The following STK32B variants were observed in gnomAD, a reference collection of about 807,000 sequenced individuals.
The protein encoded by STK32B is serine/threonine kinase 32B.
In STK32B, 43 loss-of-function variants were observed where a neutral mutation model predicts 52.6. The observed-to-expected ratio is 0.82, with a 90% CI of 0.64 to 1.05. The LOEUF (loss-of-function observed/expected upper bound fraction) is 1.05. Among genes scored for constraint, STK32B ranks in the 50% least tolerant of loss-of-function variants. The pLI is 0.00. For synonymous variants in STK32B, 238 were observed against 204.3 expected (o/e 1.17, Z -1.41); for missense variants, 621 against 534.6 (o/e 1.16, Z -1.59).
chr4:5,413,335 T>C (rs1447142309), intron 5 of STK32B, among the ~76,000 whole-genome samples: 2 of 152,202 alleles, frequency 1.3e-5, no homozygotes, highest in Non-Finnish European at 2.9e-5. Flanking sequence ...AGGGTATTTT[T>C]TAGCTGAAGT....
At position 5,446,761 on chromosome 4, in the gene STK32B, G is replaced by A. The variant is rs1715479830; in HGVS notation, c.651G>A (p.Glu217=). The A allele has an allele frequency of 1.9e-6, 3 of 1,614,056 alleles. No individual in the cohort carries two copies. The highest frequency in any genetic ancestry group is 2.5e-6 in the Non-Finnish European group (3 of 1,179,982). The change falls in exon 7 of 12, where the codon GAG becomes GAA. Residue 217 remains glutamate (E), a synonymous_variant. Coordinates refer to ENST00000282908, the MANE Select transcript of STK32B (RefSeq NM_018401.3). ...GGTCCCTGGGCATCACAGCCTATGA[G>A]CTGCTGCGGGGCTGGGTAAGACAGG... The part of the protein sequence containing the change: ...DWWSLGITAY[E]LLRGWRPYEI...
chr4:5,210,248 T>TCTCCTC (rs1347402109), intron 3 of STK32B, among the ~76,000 whole-genome samples: 2 of 151,680 alleles, frequency 1.3e-5, no homozygotes, highest in Admixed American at 1.3e-4. Flanking sequence ...TTCTTCTTCT[T>TCTCCTC]CTCCTCCTCC....
chr4:5,487,017 A>G (rs571193424), intron 11 of STK32B, among the ~76,000 whole-genome samples: 26 of 152,360 alleles, frequency 1.7e-4, no homozygotes, highest in African/African-American at 6.3e-4. Context: ...GGGTATGACA[A>G]GAATGACCCA....
intron 1 of STK32B, among the ~76,000 whole-genome samples, chr4:5,111,271 C>CAAAGGA (rs1308862460): frequency 2.0e-5 from 3 of 152,048 alleles, no homozygotes; most frequent in Admixed American, 2.0e-4. Context: ...GGTATCTGCT[C>CAAAGGA]AAAGGAAAAT....
intron 3 of STK32B, among the ~76,000 whole-genome samples, chr4:5,306,548 T>G (rs1323739307): frequency 6.6e-6 from 1 of 152,158 alleles, no homozygotes; most frequent in Non-Finnish European, 1.5e-5. Flanking sequence ...GTCAGATGAT[T>G]GTCTTGAAGA....
intron 3 of STK32B, among the ~76,000 whole-genome samples, chr4:5,324,482 A>G (rs1731744592): frequency 6.6e-6 from 1 of 152,184 alleles, no homozygotes; most frequent in Admixed American, 6.5e-5. Context: ...GGGTTAGGGA[A>G]GGCTTCTTAA....
chr4:5,143,271 CA>C (rs1716646077), intron 2 of STK32B, among the ~76,000 whole-genome samples: 1 of 152,104 alleles, frequency 6.6e-6, no homozygotes, highest in Admixed American at 6.6e-5. Context: ...TAGAAAGAGC[CA>C]AAGAGAAAAG....
chr4:5,436,570 A>G, intron 6 of STK32B: 1 of 985,398 alleles, frequency 1.0e-6, no homozygotes, highest in Non-Finnish European at 1.2e-6. Flanking sequence ...CCAGAGGCCC[A>G]GCTGGGAAGC....
intron 3 of STK32B, among the ~76,000 whole-genome samples, chr4:5,287,088 GCCCAGCCAGGTGTA>G (rs994714903): frequency 6.6e-6 from 1 of 152,054 alleles, no homozygotes; most frequent in African/African-American, 2.4e-5. Context: ...GAGCCACCGC[GCCCAGCCAGGTGTA>G]CACTTTTGTT....
At position 5,140,227 on chromosome 4, in the gene STK32B, C is replaced by G. The variant is rs1183194317; in HGVS notation, c.108+267C>G. On this transcript the variant is annotated intron_variant, in intron 2 of 11. Transcript: ENST00000282908. ...CCAATGCCGTTTGTTCCTTGAGAAT[C>G]TAAGTGAGGAAAGTTGAAAAAAAAC... The G allele has an allele frequency of 4.1e-6, 6 of 1,469,442 alleles. No individual in the cohort carries two copies. In the African/African-American group the frequency reaches 7.0e-5, roughly 17 times the overall value. The allele number at this position is 1,469,442 out of a possible 1,614,324, so 91.0% of individuals were successfully genotyped here. A position where few individuals can be genotyped will look rare whatever the true frequency, so the allele number is the denominator to read the frequency against.
chr4:5,381,002 A>G (rs1030232034), intron 4 of STK32B, among the ~76,000 whole-genome samples: 1 of 152,028 alleles, frequency 6.6e-6, no homozygotes, highest in East Asian at 1.9e-4. Flanking sequence ...GCAGTTACAC[A>G]GTGTAAATGA....
upstream of STK32B, among the ~76,000 whole-genome samples, chr4:5,050,084 C>T (rs1741705231): frequency 6.6e-6 from 1 of 152,208 alleles, no homozygotes; most frequent in South Asian, 2.1e-4. Flanking sequence ...ACATTCCGCC[C>T]TATGCTTCTT....
chr4:5,137,221 G>A (rs980596029), intron 1 of STK32B, among the ~76,000 whole-genome samples: 2 of 152,170 alleles, frequency 1.3e-5, no homozygotes, highest in Non-Finnish European at 1.5e-5. Context: ...TAATGCTGAA[G>A]CCTAGAATTA....
At chr4:5,249,501 T>TCCTCCCTCCCTC (rs1319447546) in intron 3 of STK32B, among the ~76,000 whole-genome samples, 4 of 124,884 alleles carry the variant, frequency 3.2e-5, no homozygotes, top group Non-Finnish European at 6.8e-5. Context: ...CTTCCTTCCT[T>TCCTCCCTCCCTC]CCTCCCTCCC....
intron 6 of STK32B, among the ~76,000 whole-genome samples, chr4:5,431,897 G>C (rs1346814173): frequency 2.0e-5 from 3 of 152,006 alleles, no homozygotes; most frequent in Non-Finnish European, 1.5e-5. Context: ...AGAGAGGCCA[G>C]GCATGCTACT....
At chr4:5,401,892 G>A (rs539206728) in intron 5 of STK32B, among the ~76,000 whole-genome samples, 6 of 152,338 alleles carry the variant, frequency 3.9e-5, no homozygotes, top group African/African-American at 1.4e-4. Flanking sequence ...GATCTTGGCT[G>A]GGCTTGCTCC....
At chr4:5,329,197 C>T (rs1212037843) in intron 3 of STK32B, among the ~76,000 whole-genome samples, 2 of 152,092 alleles carry the variant, frequency 1.3e-5, no homozygotes, top group African/African-American at 4.8e-5. Context: ...CCTGCACCCT[C>T]CACCATCACA....
chr4:5,382,113 G>T (rs1274381462), intron 4 of STK32B, among the ~76,000 whole-genome samples: 4 of 152,120 alleles, frequency 2.6e-5, no homozygotes, highest in Admixed American at 2.6e-4. Flanking sequence ...CCTGCATTAT[G>T]GAGGGCAATG....
intron 3 of STK32B, among the ~76,000 whole-genome samples, chr4:5,207,143 C>T (rs961151081): frequency 7.9e-5 from 12 of 152,112 alleles, no homozygotes; most frequent in African/African-American, 1.4e-4. Context: ...GTGGAACAGC[C>T]GGGACAGAGA....
Sources: gnomAD v4.1 joint callset for allele counts (sites outside exome capture counted in the v4.1 genomes callset) on GRCh38, gnomAD v4.1.1 for gene constraint, MANE v1.5 for transcripts, NCBI Gene and HGNC (gene_info 2026-07-23, HGNC 2026-07-21) for gene names.